Variants in CCDC102B observed in about 807,000 individuals in gnomAD.
The protein encoded by CCDC102B is coiled-coil domain containing 102B.
A neutral mutation model predicts 57.4 loss-of-function variants in CCDC102B; 75 were observed. The ratio of observed to expected loss-of-function variants is 1.31; its 90% CI spans 1.08 to 1.58. The LOEUF (loss-of-function observed/expected upper bound fraction) is 1.58. Ranked by LOEUF, CCDC102B falls within the 40% of genes most tolerant of loss-of-function variation. The pLI, the probability that CCDC102B is intolerant of heterozygous loss-of-function variation, is 0.00. For synonymous variants in CCDC102B, 206 were observed against 201.9 expected (o/e 1.02, Z -0.17); for missense variants, 636 against 582.6 (o/e 1.09, Z -0.94).
chr18:69,027,028 A>G (rs1599867579), intron 7 of CCDC102B, among the ~76,000 whole-genome samples: 1 of 152,194 alleles, frequency 6.6e-6, no homozygotes, highest in Non-Finnish European at 1.5e-5. Context: ...TTGAGGGAGT[A>G]GGATTAAATG....
chr18:68,739,614 T>C (rs1202890532), intron 2 of CCDC102B, among the ~76,000 whole-genome samples: 1 of 152,228 alleles, frequency 6.6e-6, no homozygotes, highest in Non-Finnish European at 1.5e-5. Context: ...GTACACAATA[T>C]AGTATTTTTG....
chr18:69,008,577 T>C (rs1415465592), intron 6 of CCDC102B, among the ~76,000 whole-genome samples: 1 of 152,158 alleles, frequency 6.6e-6, no homozygotes, highest in Non-Finnish European at 1.5e-5. Flanking sequence ...CAGTGGATAC[T>C]AGGAGGTGGA....
At chr18:68,762,823 G>A (rs2034297617) in intron 2 of CCDC102B, among the ~76,000 whole-genome samples, 1 of 152,062 alleles carries the variant, frequency 6.6e-6, no homozygotes, top group Non-Finnish European at 1.5e-5. Flanking sequence ...CGTTAAATTT[G>A]TGGGTGGAAA....
chr18:68,844,669 C>T (rs541230794), intron 3 of CCDC102B, among the ~76,000 whole-genome samples: 1 of 151,796 alleles, frequency 6.6e-6, no homozygotes, highest in Non-Finnish European at 1.5e-5. Context: ...TATATTTCAC[C>T]ATATGATGAT....
intron 4 of CCDC102B, among the ~76,000 whole-genome samples, chr18:68,867,694 G>A (rs2039055835): frequency 6.6e-6 from 1 of 152,114 alleles, no homozygotes; most frequent in Non-Finnish European, 1.5e-5. Flanking sequence ...CAGCACTTTG[G>A]GAGGCCGAGG....
intron 6 of CCDC102B, among the ~76,000 whole-genome samples, chr18:68,967,455 A>AT (rs1263191061): frequency 6.6e-6 from 1 of 152,066 alleles, no homozygotes; most frequent in African/African-American, 2.4e-5. Context: ...TAAATTGGTA[A>AT]AAAATCATAA....
At chr18:68,891,529 C>T (rs1329666243) in intron 5 of CCDC102B, among the ~76,000 whole-genome samples, 1 of 152,144 alleles carries the variant, frequency 6.6e-6, no homozygotes, top group African/African-American at 2.4e-5. Flanking sequence ...TTTTCTGTGA[C>T]AAAGTGTGTA....
At chr18:68,725,060 GGTGCCGA>G (rs2032530240) in intron 2 of CCDC102B, among the ~76,000 whole-genome samples, 1 of 152,170 alleles carries the variant, frequency 6.6e-6, no homozygotes, top group Admixed American at 6.5e-5. Context: ...AGAGAGAAGC[GGTGCCGA>G]GTGAAGAGGG....
chr18:68,765,320 G>GAAAGAAAAGAAA lies in CCDC102B; in HGVS notation c.-67+48726_-67+48727insAAAGAAAAGAAA, dbSNP rs1568238728. Among the ~76,000 whole-genome samples, 367 of 40,642 alleles carry GAAAGAAAAGAAA rather than the reference G, an allele frequency of 9.0e-3. 2 individuals are homozygous for GAAAGAAAAGAAA. The highest frequency in any genetic ancestry group is 0.015 in the South Asian group (13 of 888). 26.7% of individuals were successfully genotyped at this position (40,642 alleles called of 152,430 possible). On this transcript the variant is annotated intron_variant, in intron 2 of 3. Coordinates refer to the CCDC102B transcript ENST00000578970. ...AGGAAGGAAGGAAGGAAGGAAGGAA[G>GAAAGAAAAGAAA]GAAGGAAAGAAAGAAAGAAAGAAAG...
At chr18:68,850,084 T>C (rs74864121) in intron 4 of CCDC102B, among the ~76,000 whole-genome samples, 3,010 of 152,244 alleles carry the variant, frequency 0.02, 51 homozygotes, top group Admixed American at 0.037. Context: ...GCAAGGCATG[T>C]TGAGCAATGC....
At chr18:68,982,724 T>C (rs1002151022) in intron 6 of CCDC102B, among the ~76,000 whole-genome samples, 1 of 151,946 alleles carries the variant, frequency 6.6e-6, no homozygotes, top group African/African-American at 2.4e-5. Context: ...GCTTTCCTCA[T>C]TGTATTTTAT....
intron 5 of CCDC102B, among the ~76,000 whole-genome samples, chr18:68,882,855 G>C (rs1237330317): frequency 6.6e-6 from 1 of 152,124 alleles, no homozygotes; most frequent in East Asian, 1.9e-4. Context: ...GATGGGGCTA[G>C]AGGCCATTAT....
chr18:69,034,914 A>C (rs1301803727), intron 7 of CCDC102B, among the ~76,000 whole-genome samples: 2 of 151,818 alleles, frequency 1.3e-5, no homozygotes, highest in East Asian at 1.9e-4. Flanking sequence ...GTAATTGTCC[A>C]CTTAGAGAAA....
downstream of CCDC102B, among the ~76,000 whole-genome samples, chr18:69,055,863 A>G (rs2052807493): frequency 6.6e-6 from 1 of 151,906 alleles, no homozygotes; most frequent in Admixed American, 6.6e-5. Context: ...CAATCTCAGA[A>G]CCCACGAGGG....
intron 7 of CCDC102B, among the ~76,000 whole-genome samples, chr18:69,041,930 C>T (rs2052445962): frequency 1.3e-5 from 2 of 151,840 alleles, no homozygotes; most frequent in Non-Finnish European, 2.9e-5. Flanking sequence ...CACAAAGTAC[C>T]CTGTTGAGTT....
intron 4 of CCDC102B, among the ~76,000 whole-genome samples, chr18:68,870,732 T>C (rs2039208189): frequency 6.6e-6 from 1 of 152,172 alleles, no homozygotes; most frequent in South Asian, 2.1e-4. Context: ...TTCGGGGAGA[T>C]TGAATAATTC....
At chr18:68,740,532 C>T (rs776920599) in intron 2 of CCDC102B, among the ~76,000 whole-genome samples, 5 of 152,122 alleles carry the variant, frequency 3.3e-5, no homozygotes, top group Admixed American at 6.5e-5. Flanking sequence ...TCTCTAACAT[C>T]GATGTGAGAT....
intron 2 of CCDC102B, among the ~76,000 whole-genome samples, chr18:68,751,844 T>C (rs746905675): frequency 2.6e-5 from 4 of 152,020 alleles, no homozygotes; most frequent in Non-Finnish European, 4.4e-5. Context: ...ATGAAGGACA[T>C]CAATTGACAG....
At chr18:68,753,782 G>A (rs186254699) in intron 2 of CCDC102B, 16 of 151,464 alleles carry the variant, frequency 1.1e-4, no homozygotes, top group African/African-American at 3.4e-4. Flanking sequence ...GGCTGGTTTC[G>A]AACTCCTGGG....
Sources: allele counts gnomAD v4.1 joint callset (sites outside exome capture counted in the v4.1 genomes callset), GRCh38; gene constraint gnomAD v4.1.1; transcripts MANE v1.5; gene names NCBI Gene and HGNC (gene_info 2026-07-23, HGNC 2026-07-21).